The following DPP10 variants were observed in gnomAD, a reference collection of about 807,000 sequenced individuals.
DPP10 encodes the protein dipeptidyl peptidase like 10.
A neutral mutation model predicts 120.9 loss-of-function variants in DPP10; 33 were observed. The ratio of observed to expected loss-of-function variants is 0.27; its 90% CI spans 0.21 to 0.37. The LOEUF (loss-of-function observed/expected upper bound fraction) is 0.37, where lower values mean the gene tolerates loss of function less well. Ranked by LOEUF, DPP10 falls within the 10% of genes least tolerant of loss-of-function variation. The pLI is 1.00. For missense variants in DPP10, 816 were observed against 942.8 expected, an observed-to-expected ratio of 0.87 and a Z score of 1.76; for synonymous variants, 337 against 326.1, an observed-to-expected ratio of 1.03 and a Z score of -0.36.
At chr2:114,815,716 T>G (rs1349604184) in intron 1 of DPP10, among the ~76,000 whole-genome samples, 2 of 152,118 alleles carry the variant, frequency 1.3e-5, no homozygotes, top group Non-Finnish European at 2.9e-5. Flanking sequence ...TGTCACTGCT[T>G]TATCTGAGAG....
chr2:114,695,935 A>G (rs1474066686), intron 1 of DPP10, among the ~76,000 whole-genome samples: 1 of 152,140 alleles, frequency 6.6e-6, no homozygotes, highest in Non-Finnish European at 1.5e-5. Flanking sequence ...ACCATATTAC[A>G]ATGGACTATA....
At chr2:115,249,494 G>C (rs1011951701) in intron 1 of DPP10, among the ~76,000 whole-genome samples, 3 of 152,086 alleles carry the variant, frequency 2.0e-5, no homozygotes, top group Admixed American at 6.6e-5. Flanking sequence ...AAGAAGTTAA[G>C]AGAAATGAGG....
intron 5 of DPP10, among the ~76,000 whole-genome samples, chr2:115,529,394 C>G (rs1219258076): frequency 6.6e-6 from 1 of 151,834 alleles, no homozygotes; most frequent in Admixed American, 6.6e-5. Flanking sequence ...GATTTGAACT[C>G]CTGACCTCAG....
chr2:115,206,713 A>G (rs1278553472), intron 1 of DPP10, among the ~76,000 whole-genome samples: 1 of 152,160 alleles, frequency 6.6e-6, no homozygotes, highest in Non-Finnish European at 1.5e-5. Flanking sequence ...TATTCCATTT[A>G]GCTTGGTTTA....
At chr2:115,691,851 A>T (rs2091335988) in intron 7 of DPP10, among the ~76,000 whole-genome samples, 1 of 152,154 alleles carries the variant, frequency 6.6e-6, no homozygotes, top group Non-Finnish European at 1.5e-5. Flanking sequence ...CAAATTTTAC[A>T]ATTTTATATC....
intron 1 of DPP10, among the ~76,000 whole-genome samples, chr2:114,768,010 C>T (rs896453303): frequency 2.0e-5 from 3 of 151,924 alleles, no homozygotes; most frequent in African/African-American, 4.8e-5. Context: ...TGCCTGTAAT[C>T]CCAGCTACTT....
At chr2:115,005,959 G>C (rs917955680) in intron 1 of DPP10, among the ~76,000 whole-genome samples, 3 of 152,116 alleles carry the variant, frequency 2.0e-5, no homozygotes, top group Non-Finnish European at 4.4e-5. Context: ...GTTAAGGGCA[G>C]CCAGAGAGAA....
At chr2:114,804,546 G>T (rs577368204) in intron 1 of DPP10, among the ~76,000 whole-genome samples, 128 of 152,314 alleles carry the variant, frequency 8.4e-4, no homozygotes, top group African/African-American at 2.9e-3. Flanking sequence ...CCCACCTCTT[G>T]CATCAGCGTG....
At chr2:115,717,636 T>G (rs917786091) in intron 7 of DPP10, among the ~76,000 whole-genome samples, 2 of 152,018 alleles carry the variant, frequency 1.3e-5, no homozygotes, top group African/African-American at 2.4e-5. Flanking sequence ...GTTCTCAGAA[T>G]CAAAGAGAAA....
intron 1 of DPP10, among the ~76,000 whole-genome samples, chr2:114,595,121 A>G (rs1163824768): frequency 6.6e-6 from 1 of 152,094 alleles, no homozygotes; most frequent in Admixed American, 6.6e-5. Flanking sequence ...GACATGTATC[A>G]AATTTTAGTT....
chr2:115,077,381 G>A (rs999789821), intron 1 of DPP10, among the ~76,000 whole-genome samples: 2 of 152,092 alleles, frequency 1.3e-5, no homozygotes, highest in African/African-American at 4.8e-5. Context: ...ACTTCAAAGA[G>A]GGATACATAA....
chr2:115,482,246 G>T (rs2075479640), intron 3 of DPP10, among the ~76,000 whole-genome samples: 1 of 151,052 alleles, frequency 6.6e-6, no homozygotes, highest in African/African-American at 2.4e-5. Flanking sequence ...AATTTTTATT[G>T]TGTCTATTTA....
At chr2:114,784,808 G>C (rs1682631306) in intron 1 of DPP10, among the ~76,000 whole-genome samples, 1 of 150,778 alleles carries the variant, frequency 6.6e-6, no homozygotes, top group African/African-American at 2.4e-5. Flanking sequence ...GCAGAAAGCA[G>C]TGTTTCCAGT....
At chr2:114,549,168 G>A (rs142179057) in intron 1 of DPP10, among the ~76,000 whole-genome samples, 19 of 151,866 alleles carry the variant, frequency 1.3e-4, no homozygotes, top group African/African-American at 4.4e-4. Context: ...CATGCATGCC[G>A]GGGGTGGGCG....
intron 1 of DPP10, among the ~76,000 whole-genome samples, chr2:115,237,363 T>C (rs1243304378): frequency 2.0e-5 from 3 of 152,156 alleles, no homozygotes; most frequent in Non-Finnish European, 4.4e-5. Context: ...TCAATAAATG[T>C]TGTGTGTGTT....
chr2:115,228,864 A>G (rs2057583881), intron 1 of DPP10, among the ~76,000 whole-genome samples: 1 of 152,138 alleles, frequency 6.6e-6, no homozygotes, highest in Non-Finnish European at 1.5e-5. Flanking sequence ...CCTGTGATAC[A>G]CTGATTTCCT....
chr2:115,595,964 G>C (rs1389520252), intron 5 of DPP10, among the ~76,000 whole-genome samples: 2 of 151,708 alleles, frequency 1.3e-5, no homozygotes, highest in Non-Finnish European at 2.9e-5. Flanking sequence ...TGTAACTCTT[G>C]TTTTTAGTGG....
At chr2:114,718,483 A>G (rs909722066) in intron 1 of DPP10, among the ~76,000 whole-genome samples, 3 of 151,262 alleles carry the variant, frequency 2.0e-5, no homozygotes, top group African/African-American at 7.3e-5. Flanking sequence ...ATGTGGCTAG[A>G]GGCTATTGTA....
At chr2:114,776,161 T>C (rs1681716827) in intron 1 of DPP10, among the ~76,000 whole-genome samples, 1 of 152,190 alleles carries the variant, frequency 6.6e-6, no homozygotes, top group African/African-American at 2.4e-5. Context: ...ACAGGTAAAA[T>C]TAGCTGCAGA....
Sources: allele counts gnomAD v4.1 joint callset (sites outside exome capture counted in the v4.1 genomes callset), GRCh38; gene constraint gnomAD v4.1.1; transcripts MANE v1.5; gene names NCBI Gene and HGNC (gene_info 2026-07-23, HGNC 2026-07-21).